Variants in SMPD3 observed in about 807,000 individuals in gnomAD.
The protein encoded by SMPD3 is sphingomyelin phosphodiesterase 3, also known as nSMase-2.
In SMPD3, 21 loss-of-function variants were observed where a neutral mutation model predicts 55.7. The observed-to-expected ratio is 0.38, with a 90% CI of 0.27 to 0.54. The LOEUF (loss-of-function observed/expected upper bound fraction) is 0.54. SMPD3 is among the 20% of genes least tolerant of loss of function. The probability of loss-of-function intolerance (pLI) is 0.80; values close to 1 mark genes in which losing one functional copy is unlikely to be tolerated. For synonymous variants in SMPD3, 457 were observed against 404.3 expected, an observed-to-expected ratio of 1.13 and a Z score of -1.56; for missense variants, 842 against 899.6, an observed-to-expected ratio of 0.94 and a Z score of 0.82.
In SMPD3 at chr16:68,360,013, C is replaced by T. The variant is rs879400163; in HGVS notation, c.*1193G>A. ...CCCCAGCTTGCGCACTGGTGAGGGCCAGGCTGCTCTCTGCACCTTGGCTTC... is the reference window on the plus strand; with the variant it reads ...CCCCAGCTTGCGCACTGGTGAGGGCTAGGCTGCTCTCTGCACCTTGGCTTC... On this transcript the variant is annotated 3_prime_UTR_variant, in exon 9 of 9. Transcript: ENST00000219334. 1.3e-5 allele frequency: 2 copies of T among 152,842 alleles called. No individual in the cohort carries two copies. The highest frequency in any genetic ancestry group is 3.8e-4 in the East Asian group (2 of 5,318). 9.5% of individuals were successfully genotyped at this position (152,842 alleles called of 1,614,324 possible). A position where few individuals can be genotyped will look rare whatever the true frequency, so the allele number is the denominator to read the frequency against.
chr16:68,425,258 A>G (rs1377779537), intron 1 of SMPD3, among the ~76,000 whole-genome samples: 1 of 152,228 alleles, frequency 6.6e-6, no homozygotes, highest in Non-Finnish European at 1.5e-5. Context: ...ACAGAACTTC[A>G]TGGATGTCTC....
chr16:68,364,991 A>C, intron 4 of SMPD3, 26 bp downstream of exon 4: 1 of 1,614,046 alleles, frequency 6.2e-7, no homozygotes, highest in Non-Finnish European at 8.5e-7. Flanking sequence ...ATGCCTAGAA[A>C]AAACACAGGT....
intron 1 of SMPD3, among the ~76,000 whole-genome samples, chr16:68,421,831 A>G (rs752964198): frequency 2.5e-4 from 38 of 152,226 alleles, no homozygotes; most frequent in Non-Finnish European, 1.5e-4. Flanking sequence ...ACTTGGTAGT[A>G]GCCCCTGAAA....
intron 7 of SMPD3, among the ~76,000 whole-genome samples, 169 bp downstream of exon 7, chr16:68,363,327 C>T (rs2089371304): frequency 6.6e-6 from 1 of 152,176 alleles, no homozygotes; most frequent in South Asian, 2.1e-4. Context: ...CCTGCCTGGC[C>T]CAGCTCCCAG....
Position 68,371,215 on chromosome 16 carries a change from G to A in SMPD3, c.967C>T (p.Leu323Phe). The part of the protein sequence containing the change: ...ASGEPGANSK[L>F]LYKASVVKKA... The stretch of plus-strand genomic sequence containing the variant: ...TTCACCACCGAGGCCTTGTACAGGA[G>A]CTTGCTGTTGGCACCTGGCTCCCCG... The change falls in exon 3 of 9, where the codon CTC becomes TTC. Residue 323 changes from leucine to phenylalanine, a missense_variant. Physicochemically the swap from Leu to Phe is conservative, Grantham distance 22. Coordinates refer to ENST00000219334, the MANE Select transcript of SMPD3 (RefSeq NM_018667.4). The A allele has an allele frequency of 6.2e-7, 1 of 1,609,228 alleles. No homozygotes were observed. The highest frequency in any genetic ancestry group is 8.5e-7 in the Non-Finnish European group (1 of 1,178,156).
chr16:68,397,693 T>A (rs1456791889), intron 1 of SMPD3, among the ~76,000 whole-genome samples: 3 of 152,188 alleles, frequency 2.0e-5, no homozygotes, highest in Admixed American at 6.5e-5. Flanking sequence ...CCGTTCTCTC[T>A]CCGGGAGGGC....
chr16:68,366,565 T>C (rs974129393), intron 3 of SMPD3, among the ~76,000 whole-genome samples: 3 of 152,250 alleles, frequency 2.0e-5, no homozygotes, highest in Non-Finnish European at 4.4e-5. Context: ...GAAGCCGCCA[T>C]GCTCAAAAGG....
At chr16:68,445,570 A>G (rs561076898) in intron 1 of SMPD3, among the ~76,000 whole-genome samples, 13 of 152,318 alleles carry the variant, frequency 8.5e-5, no homozygotes, top group African/African-American at 3.1e-4. Flanking sequence ...GACAATGCTC[A>G]CACTCACTCT....
chr16:68,414,443 C>G (rs2090324032), intron 1 of SMPD3, among the ~76,000 whole-genome samples: 2 of 152,240 alleles, frequency 1.3e-5, no homozygotes, highest in Non-Finnish European at 2.9e-5. Flanking sequence ...TCAGCCTGGT[C>G]TCTCCCACAC....
Position 68,371,233 on chromosome 16 carries a change from G to C in SMPD3, c.949C>G (p.Pro317Ala), listed in dbSNP as rs146079038. ...TACAGGAGCTTGCTGTTGGCACCTGGCTCCCCGCTGGCACTGGTGTCTGGC... is the reference window on the plus strand; with the variant it reads ...TACAGGAGCTTGCTGTTGGCACCTGCCTCCCCGCTGGCACTGGTGTCTGGC... ...AGPDTSASGEPGANSKLLYKA... is the reference protein window; with the variant it reads ...AGPDTSASGEAGANSKLLYKA... Residue 317 changes from proline to alanine, a missense_variant, in exon 3 of 9, where the codon CCA becomes GCA. Transcript: ENST00000219334. 1.1e-5 allele frequency: 18 copies of C among 1,606,198 alleles called. No homozygotes were observed. Among genetic ancestry groups the C allele is most frequent in the Middle Eastern group, 1.7e-4 (1 of 6,024 alleles).
chr16:68,407,533 C>T (rs1276780292), intron 1 of SMPD3, among the ~76,000 whole-genome samples: 1 of 151,896 alleles, frequency 6.6e-6, no homozygotes, highest in African/African-American at 2.4e-5. Flanking sequence ...GGAGTCTTTG[C>T]TATGTTGGCC....
chr16:68,367,266 G>C (rs749458294), intron 3 of SMPD3: 3 of 152,438 alleles, frequency 2.0e-5, no homozygotes, highest in Non-Finnish European at 2.9e-5. Flanking sequence ...GTGCTGGGGT[G>C]GGGTGGCGAC....
At chr16:68,433,793 ATG>A (rs2090499140) in intron 1 of SMPD3, among the ~76,000 whole-genome samples, 2 of 152,002 alleles carry the variant, frequency 1.3e-5, no homozygotes, top group Admixed American at 1.3e-4. Flanking sequence ...CCCAAACCCC[ATG>A]AATATATGTT....
rs752497846 is a variant in SMPD3 at position 68,412,929 on chromosome 16, C to T, written c.-268-26270G>A. Among the ~76,000 whole-genome samples the T allele has an allele frequency of 5.3e-4, 81 of 152,226 alleles. 1 individual carries two copies. The highest frequency in any genetic ancestry group is 6.2e-4 in the Non-Finnish European group (42 of 68,040). ...TTTTTGAGTACCTGCTACATACACA[C>T]CATCTTAAACATGTTAACCTCCTAA... On this transcript the variant is annotated intron_variant, in intron 1 of 8. Transcript: ENST00000219334.
chr16:68,391,817 C>T (rs1331879294), intron 1 of SMPD3, among the ~76,000 whole-genome samples: 1 of 152,232 alleles, frequency 6.6e-6, no homozygotes, highest in Non-Finnish European at 1.5e-5. Flanking sequence ...TGTGTGGCTG[C>T]ATTTGCAGAT....
At chr16:68,415,293 G>T (rs1289540387) in intron 1 of SMPD3, among the ~76,000 whole-genome samples, 1 of 152,196 alleles carries the variant, frequency 6.6e-6, no homozygotes, top group African/African-American at 2.4e-5. Context: ...TGGGCAGAGA[G>T]GTGGCTAGAG....
rs761087059 is a variant in SMPD3, at chr16:68,371,887, G to T, written c.295C>A (p.Arg99=). The part of the protein sequence containing the change: ...QSARRPYIYS[R]LEDKGLAGGA... ...CCGGCCAGGCCCTTGTCTTCCAGCC[G>T]TGAATAGATGTAGGGCCGGCGGGCC... Residue 99 remains arginine, a synonymous_variant, in exon 3 of 9, where the codon CGG becomes AGG. Transcript: ENST00000219334. 1 of 1,610,178 alleles carries T rather than the reference G, an allele frequency of 6.2e-7. No individual in the cohort carries two copies. The highest frequency in any genetic ancestry group is 8.5e-7 in the Non-Finnish European group (1 of 1,179,060).
chr16:68,370,785 G>T (rs970385432), intron 3 of SMPD3, 74 bp downstream of exon 3: 2 of 1,569,188 alleles, frequency 1.3e-6, no homozygotes, highest in Admixed American at 3.7e-5. Flanking sequence ...AGGACTCCCC[G>T]CTGCAGCCCC....
At chr16:68,377,154 T>C (rs2089836781) in intron 2 of SMPD3, among the ~76,000 whole-genome samples, 1 of 152,236 alleles carries the variant, frequency 6.6e-6, no homozygotes, top group African/African-American at 2.4e-5. Flanking sequence ...TCAGCCACAC[T>C]GCCTAGGCTG....
Sources: gnomAD v4.1 joint callset for allele counts (sites outside exome capture counted in the v4.1 genomes callset) on GRCh38, gnomAD v4.1.1 for gene constraint, MANE v1.5 for transcripts, NCBI Gene and HGNC (gene_info 2026-07-23, HGNC 2026-07-21) for gene names.